VPS13D: variants seen among roughly 807,000 people sequenced by gnomAD.
The protein encoded by VPS13D is vacuolar protein sorting 13 homolog D, also known as intermembrane lipid transfer protein VPS13D.
A neutral mutation model predicts 461.9 loss-of-function variants in VPS13D; 187 were observed. The observed-to-expected ratio is 0.40, with a 90% CI of 0.36 to 0.46. The LOEUF is 0.46. Among genes scored for constraint, VPS13D ranks in the 20% least tolerant of loss-of-function variants. The probability of loss-of-function intolerance (pLI) is 0.60; values close to 1 mark genes in which losing one functional copy is unlikely to be tolerated. For synonymous variants in VPS13D, 1,951 were observed against 1,986.3 expected (o/e 0.98, Z 0.47); for missense variants, 4,711 against 5,364.9 (o/e 0.88, Z 3.81).
At chr1:12,488,094 G>A (rs547915660) in intron 67 of VPS13D, among the ~76,000 whole-genome samples, 1 of 152,210 alleles carries the variant, frequency 6.6e-6, no homozygotes, top group South Asian at 2.1e-4. Flanking sequence ...CCCACATGGG[G>A]TGTGCTCCTC....
At chr1:12,317,697 A>G (rs1338708542) in intron 30 of VPS13D, among the ~76,000 whole-genome samples, 1 of 152,054 alleles carries the variant, frequency 6.6e-6, no homozygotes. Flanking sequence ...GTGAGCTGTG[A>G]TCGTGCCACT....
chr1:12,258,141 A>C (rs1454381392), intron 10 of VPS13D, 38 bp downstream of exon 10: 1 of 1,606,422 alleles, frequency 6.2e-7, no homozygotes. Flanking sequence ...TGTCTTATTC[A>C]GAAGATAAGA....
intron 67 of VPS13D, among the ~76,000 whole-genome samples, chr1:12,486,491 G>A (rs1645798471): frequency 6.6e-6 from 1 of 152,190 alleles, no homozygotes; most frequent in Admixed American, 6.5e-5. Flanking sequence ...AGGGAGCCAG[G>A]CCCCTGAGGA....
chr1:12,371,657 T>C (rs1644119346), intron 54 of VPS13D, among the ~76,000 whole-genome samples: 1 of 152,166 alleles, frequency 6.6e-6, no homozygotes, highest in South Asian at 2.1e-4. Flanking sequence ...CCTCCCAAAG[T>C]GCTGGGATTA....
intron 19 of VPS13D, 70 bp downstream of exon 19, chr1:12,278,108 T>C: frequency 1.4e-6 from 2 of 1,443,454 alleles, no homozygotes; most frequent in South Asian, 2.8e-5. Flanking sequence ...GTCCTTTGCG[T>C]AAAACAGCAA....
chr1:12,283,684 C>T lies in VPS13D; in HGVS notation c.5582C>T (p.Ala1861Val), dbSNP rs749581173. Residue 1861 changes from alanine to valine, a missense_variant, in exon 21 of 70, where the codon GCC (alanine) becomes GTC (valine). By Grantham distance (64) the Ala-to-Val change is moderately conservative. Coordinates refer to ENST00000620676, the MANE Select transcript of VPS13D (RefSeq NM_015378.4). Reference protein sequence around the residue: ...ILHNVKLEPHASMESGLQDPV... With the variant: ...ILHNVKLEPHVSMESGLQDPV... ...CACAACGTGAAGTTGGAGCCACATGCCTCCATGGAGTCTGGACTTCAGGAT... is the reference window on the plus strand; with the variant it reads ...CACAACGTGAAGTTGGAGCCACATGTCTCCATGGAGTCTGGACTTCAGGAT... The T allele has an allele frequency of 6.2e-7, 1 of 1,614,178 alleles. No homozygotes were observed. Among genetic ancestry groups the T allele is most frequent in the Non-Finnish European group, 8.5e-7 (1 of 1,180,018 alleles).
chr1:12,464,690 A>G (rs925973941), intron 67 of VPS13D, among the ~76,000 whole-genome samples: 8 of 151,494 alleles, frequency 5.3e-5, no homozygotes, highest in East Asian at 3.9e-4. Context: ...AGGCAACCCA[A>G]TAGTTCTCAG....
At chr1:12,352,207 C>G (rs1040180276) in intron 46 of VPS13D, among the ~76,000 whole-genome samples, 1 of 151,950 alleles carries the variant, frequency 6.6e-6, no homozygotes, top group Non-Finnish European at 1.5e-5. Flanking sequence ...AGGAGAATCG[C>G]TTGAATCTGG....
At chr1:12,356,274 T>C in intron 48 of VPS13D, 124 bp from the exon 49 acceptor site, 1 of 1,411,450 alleles carries the variant, frequency 7.1e-7, no homozygotes, top group Non-Finnish European at 9.4e-7. Flanking sequence ...GGCAAGAAAC[T>C]GAGCCCACTA....
At chr1:12,245,789 C>A (rs1640532720) in intron 5 of VPS13D, among the ~76,000 whole-genome samples, 1 of 152,164 alleles carries the variant, frequency 6.6e-6, no homozygotes, top group South Asian at 2.1e-4. Context: ...TGCCTTCAGC[C>A]CCTGTCAATC....
At chr1:12,498,629 G>C (rs1166280160) in intron 68 of VPS13D, among the ~76,000 whole-genome samples, 1 of 152,136 alleles carries the variant, frequency 6.6e-6, no homozygotes, top group Non-Finnish European at 1.5e-5. Flanking sequence ...TCGTCTACTT[G>C]GGTTGCCATT....
intron 67 of VPS13D, among the ~76,000 whole-genome samples, chr1:12,480,757 A>G (rs1317750169): frequency 6.6e-6 from 1 of 152,230 alleles, no homozygotes; most frequent in East Asian, 1.9e-4. Flanking sequence ...ACTGGGATTT[A>G]TGGAAATTCT....
At chr1:12,396,011 A>ATATG (rs1644492264) in intron 60 of VPS13D, among the ~76,000 whole-genome samples, 1 of 135,008 alleles carries the variant, frequency 7.4e-6, no homozygotes, top group South Asian at 2.3e-4. Context: ...ATATATATAT[A>ATATG]TATATATATA....
chr1:12,265,194 A>T (rs995210702), intron 13 of VPS13D, among the ~76,000 whole-genome samples: 2 of 152,324 alleles, frequency 1.3e-5, no homozygotes, highest in South Asian at 2.1e-4. Flanking sequence ...CTCTGCTGGG[A>T]GAAGTATAAA....
rs146210560 is a variant in VPS13D, at chr1:12,471,277, G to A, written c.12662+10881G>A. On this transcript the variant is annotated intron_variant, in intron 67 of 69. Coordinates refer to ENST00000620676, the MANE Select transcript of VPS13D (RefSeq NM_015378.4). ...AATCATGCCACTGCACTCCAGCCTG[G>A]GTGACAGAGTAAGACTCTGTCTCAA... Among the ~76,000 whole-genome samples the A allele has an allele frequency of 3.4e-3, 511 of 152,190 alleles. 1 individual carries two copies. Among genetic ancestry groups the A allele is most frequent in the Non-Finnish European group, 5.2e-3 (353 of 68,014 alleles).
In VPS13D at chr1:12,362,634, T is replaced by TAA. The variant is rs1051016422; in HGVS notation, c.10142-85_10142-84dup. The TAA allele has an allele frequency of 8.4e-6, 11 of 1,311,706 alleles. No individual in the cohort carries two copies. In the African/African-American group the frequency reaches 1.5e-4, roughly 18 times the overall value. The allele number at this position is 1,311,706 out of a possible 1,614,324, so 81.3% of individuals were successfully genotyped here. On this transcript the variant is annotated intron_variant, in intron 50 of 69. Coordinates refer to ENST00000620676, the MANE Select transcript of VPS13D (RefSeq NM_015378.4). ...CAGTTATTTTCTCAGAGAAACTAAG[T>TAA]AACTGTGAAGGTTATTTATTTTTGT...
In VPS13D at chr1:12,268,820, C is replaced by A. The variant is rs374591304; in HGVS notation, c.1916C>A (p.Pro639Gln). Reference protein sequence around the residue: ...STRPLNIIYNPQAIKKVADFF... With the variant: ...STRPLNIIYNQQAIKKVADFF... ...AGGCCCTTGAACATCATATACAATC[C>A]GCAGGCCATTAAAAAAGTAGCAGAC... The change falls in exon 16 of 70, where the codon CCG (proline) becomes CAG (glutamine). Residue 639 changes from proline to glutamine, a missense_variant. Coordinates refer to ENST00000620676, the MANE Select transcript of VPS13D (RefSeq NM_015378.4). The A allele has an allele frequency of 6.2e-7, 1 of 1,613,706 alleles. No homozygotes were observed. The highest frequency in any genetic ancestry group is 8.5e-7 in the Non-Finnish European group (1 of 1,179,834).
intron 65 of VPS13D, among the ~76,000 whole-genome samples, chr1:12,422,022 T>G (rs896780177): frequency 6.6e-6 from 1 of 152,106 alleles, no homozygotes; most frequent in Non-Finnish European, 1.5e-5. Context: ...AGAGATGGGG[T>G]TTCACCATGT....
Position 12,416,678 on chromosome 1 carries a change from G to T in VPS13D, c.12184G>T (p.Ala4062Ser), listed in dbSNP as rs778412798. ...HFQEELLSQA[A>S]RILGSVDFLG... is the part of the protein sequence containing the mutation. ...TTGGCAGGAACTCCTCAGCCAGGCA[G>T]CTCGAATCCTGGGATCAGTGGATTT... Residue 4062 changes from alanine to serine, a missense_variant, in exon 65 of 70, where the codon GCT becomes TCT. By Grantham distance (99) the Ala-to-Ser change is moderately conservative. Transcript: ENST00000620676. 1 of 1,613,788 alleles carries T rather than the reference G, an allele frequency of 6.2e-7. No individual in the cohort carries two copies.
Sources: gnomAD v4.1 joint callset for allele counts (sites outside exome capture counted in the v4.1 genomes callset) on GRCh38, gnomAD v4.1.1 for gene constraint, MANE v1.5 for transcripts, NCBI Gene and HGNC (gene_info 2026-07-23, HGNC 2026-07-21) for gene names.